ANKFN1: variants seen among roughly 807,000 people sequenced by gnomAD.
ANKFN1 encodes ankyrin repeat and fibronectin type-III domain-containing protein 1.
A neutral mutation model predicts 108.7 loss-of-function variants in ANKFN1; 74 were observed. The ratio of observed to expected loss-of-function variants is 0.68; its 90% CI spans 0.56 to 0.83. ANKFN1 has a LOEUF of 0.83. Among genes scored for constraint, ANKFN1 ranks in the 40% least tolerant of loss-of-function variants. The pLI, the probability that ANKFN1 is intolerant of heterozygous loss-of-function variation, is 0.00. For missense variants in ANKFN1, 1,505 were observed against 1,382.3 expected, an observed-to-expected ratio of 1.09 and a Z score of -1.41; for synonymous variants, 547 against 516.2, an observed-to-expected ratio of 1.06 and a Z score of -0.81.
intron 1 of ANKFN1, among the ~76,000 whole-genome samples, chr17:56,170,590 C>G (rs1203231194): frequency 6.6e-6 from 1 of 151,100 alleles, no homozygotes; most frequent in Non-Finnish European, 1.5e-5. Flanking sequence ...TGGTGAAACC[C>G]CATGTCTACT....
chr17:56,484,104 G>A (rs2050788159), intron 18 of ANKFN1, among the ~76,000 whole-genome samples: 2 of 152,138 alleles, frequency 1.3e-5, no homozygotes, highest in South Asian at 2.1e-4. Context: ...TTCTTGTTGG[G>A]GGAGTAGAAT....
intron 8 of ANKFN1, among the ~76,000 whole-genome samples, chr17:56,437,401 T>C (rs1205360820): frequency 6.6e-6 from 1 of 152,232 alleles, no homozygotes; most frequent in African/African-American, 2.4e-5. Flanking sequence ...TTTTGGCAAG[T>C]TGTCTTGAGT....
At chr17:56,508,185 A>T (rs896877871) in intron 20 of ANKFN1, among the ~76,000 whole-genome samples, 1 of 152,154 alleles carries the variant, frequency 6.6e-6, no homozygotes, top group African/African-American at 2.4e-5. Flanking sequence ...CCTCCCTGCT[A>T]TCTCTTCCTC....
intron 11 of ANKFN1, among the ~76,000 whole-genome samples, chr17:56,456,639 G>A (rs533121727): frequency 2.6e-5 from 4 of 151,770 alleles, no homozygotes; most frequent in Non-Finnish European, 5.9e-5. Context: ...CTCGTGATCC[G>A]CCCCCCTCGG....
intron 1 of ANKFN1, among the ~76,000 whole-genome samples, chr17:56,200,246 A>G (rs995748102): frequency 2.6e-5 from 4 of 152,188 alleles, no homozygotes; most frequent in African/African-American, 9.7e-5. Context: ...TCAAAAGTGG[A>G]ATTTTATTTA....
In ANKFN1 at chr17:56,476,011, C is replaced by T. The variant is rs115564629; in HGVS notation, c.1774-1477C>T. Among the ~76,000 whole-genome samples the T allele has an allele frequency of 9.9e-3, 1,507 of 152,236 alleles. 21 individuals are homozygous for T. The highest frequency in any genetic ancestry group is 0.034 in the African/African-American group (1,400 of 41,522). On this transcript the variant is annotated intron_variant, in intron 15 of 20. Coordinates refer to ENST00000682825, the MANE Select transcript of ANKFN1 (RefSeq NM_001370326.1). ...GCAGAAAGTGAAGGGGAAGCAAACA[C>T]GTCTTACCATGGCAGAGCGGGAGAA...
intron 8 of ANKFN1, among the ~76,000 whole-genome samples, chr17:56,423,481 C>A (rs1271849766): frequency 6.6e-6 from 1 of 152,200 alleles, no homozygotes; most frequent in Non-Finnish European, 1.5e-5. Flanking sequence ...CTGATCACCT[C>A]ATTCCCTTGC....
At chr17:56,222,717 G>T (rs148232202) in intron 2 of ANKFN1, among the ~76,000 whole-genome samples, 2 of 152,178 alleles carry the variant, frequency 1.3e-5, no homozygotes, top group Non-Finnish European at 2.9e-5. Context: ...TGGAAGTTAT[G>T]CATGCTAAGT....
At chr17:56,239,225 A>C (rs1292855904) in intron 3 of ANKFN1, among the ~76,000 whole-genome samples, 2 of 152,200 alleles carry the variant, frequency 1.3e-5, no homozygotes, top group African/African-American at 4.8e-5. Context: ...CATCATATTA[A>C]TCTGAACTGC....
chr17:56,486,044 A>T (rs1006599294), intron 18 of ANKFN1, among the ~76,000 whole-genome samples: 1 of 152,232 alleles, frequency 6.6e-6, no homozygotes. Context: ...ATTCAGGCAA[A>T]TTCAACTGTG....
intron 3 of ANKFN1, among the ~76,000 whole-genome samples, chr17:56,239,950 T>C (rs192534987): frequency 1.5e-3 from 222 of 152,144 alleles, no homozygotes; most frequent in Non-Finnish European, 2.3e-3. Context: ...ACATAATGAT[T>C]GACATTTTTA....
At chr17:56,292,204 C>T (rs535320772) in intron 3 of ANKFN1, among the ~76,000 whole-genome samples, 50 of 152,258 alleles carry the variant, frequency 3.3e-4, no homozygotes, top group Non-Finnish European at 6.9e-4. Context: ...CAGATTTTTG[C>T]TAGGACAAAG....
chr17:56,240,642 A>G (rs1471399404), intron 3 of ANKFN1, among the ~76,000 whole-genome samples: 2 of 152,138 alleles, frequency 1.3e-5, no homozygotes, highest in Non-Finnish European at 2.9e-5. Context: ...TTACATTCCT[A>G]TGAGCAGGTC....
At chr17:56,137,147 C>G (rs1326627154) in intron 4 of ANKFN1, among the ~76,000 whole-genome samples, 1 of 152,130 alleles carries the variant, frequency 6.6e-6, no homozygotes, top group African/African-American at 2.4e-5. Context: ...TAAAATCCAG[C>G]AGGTCAGATG....
At chr17:56,230,749 G>A (rs1456563242) in intron 3 of ANKFN1, among the ~76,000 whole-genome samples, 1 of 152,044 alleles carries the variant, frequency 6.6e-6, no homozygotes, top group Non-Finnish European at 1.5e-5. Flanking sequence ...CCTGTAAAAT[G>A]CGCAATTGCT....
At chr17:56,206,806 T>C (rs1914577565) in intron 1 of ANKFN1, 1 of 152,250 alleles carries the variant, frequency 6.6e-6, no homozygotes, top group African/African-American at 2.4e-5. Context: ...CAGACTGGCC[T>C]TTGAGACACT....
chr17:56,472,863 AAAAG>A (rs2050368032), intron 15 of ANKFN1: 4 of 152,220 alleles, frequency 2.6e-5, no homozygotes, highest in East Asian at 1.9e-4. Context: ...CAGGTGGAAA[AAAAG>A]AAAGAGAGAG....
chr17:56,451,218 G>A (rs1305144389), intron 11 of ANKFN1, among the ~76,000 whole-genome samples: 1 of 152,098 alleles, frequency 6.6e-6, no homozygotes, highest in East Asian at 1.9e-4. Context: ...CTAATAAACA[G>A]ACATGTCACA....
intron 4 of ANKFN1, among the ~76,000 whole-genome samples, chr17:56,142,579 C>T (rs936507168): frequency 6.6e-6 from 1 of 152,182 alleles, no homozygotes; most frequent in South Asian, 2.1e-4. Context: ...CTGGAAAATT[C>T]TGGCTCTAAA....
Sources: gnomAD v4.1 joint callset for allele counts (sites outside exome capture counted in the v4.1 genomes callset) on GRCh38, gnomAD v4.1.1 for gene constraint, MANE v1.5 for transcripts, NCBI Gene and HGNC (gene_info 2026-07-23, HGNC 2026-07-21) for gene names.